ADCY2: variants seen among roughly 807,000 people sequenced by gnomAD.
The protein encoded by ADCY2 is adenylate cyclase 2, also known as adenylate cyclase type 2.
Under a neutral mutation model 125.2 loss-of-function variants are expected in ADCY2, and 31 were observed. The observed-to-expected ratio is 0.25, with a 90% CI of 0.19 to 0.33. The LOEUF is 0.33. ADCY2 is among the 10% of genes least tolerant of loss of function. ADCY2 has a pLI of 1.00. For synonymous variants in ADCY2, 512 were observed against 548.4 expected, an observed-to-expected ratio of 0.93 and a Z score of 0.93; for missense variants, 904 against 1,418.2, an observed-to-expected ratio of 0.64 and a Z score of 5.82.
At chr5:7,434,911 G>T (rs1315023568) in intron 2 of ADCY2, among the ~76,000 whole-genome samples, 1 of 152,240 alleles carries the variant, frequency 6.6e-6, no homozygotes, top group African/African-American at 2.4e-5. Context: ...AGATTTGAGA[G>T]TGGTGAATTA....
intron 4 of ADCY2, among the ~76,000 whole-genome samples, chr5:7,683,481 C>T (rs1329625818): frequency 6.6e-6 from 1 of 152,192 alleles, no homozygotes; most frequent in Admixed American, 6.5e-5. Context: ...AGGGGGACTG[C>T]CACTTTGCAC....
At chr5:7,505,065 G>A (rs1330601161) in intron 2 of ADCY2, among the ~76,000 whole-genome samples, 1 of 151,698 alleles carries the variant, frequency 6.6e-6, no homozygotes, top group Non-Finnish European at 1.5e-5. Flanking sequence ...TGTGGTTTTT[G>A]TAGAGATGAG....
At chr5:7,552,435 C>T (rs1331513697) in intron 3 of ADCY2, among the ~76,000 whole-genome samples, 1 of 152,150 alleles carries the variant, frequency 6.6e-6, no homozygotes, top group Non-Finnish European at 1.5e-5. Flanking sequence ...TATTGCAAAT[C>T]TTTTTTCTTT....
intron 3 of ADCY2, among the ~76,000 whole-genome samples, chr5:7,547,179 A>G (rs1433124584): frequency 6.6e-6 from 1 of 152,210 alleles, no homozygotes; most frequent in African/African-American, 2.4e-5. Context: ...AGCAGGACCC[A>G]CAGCAGAGAC....
At chr5:7,749,837 G>A (rs1038396518) in intron 15 of ADCY2, 5 of 152,176 alleles carry the variant, frequency 3.3e-5, no homozygotes, top group Non-Finnish European at 7.3e-5. Flanking sequence ...CTCGGGAAAG[G>A]GAAAGTAGGT....
At chr5:7,595,220 A>T (rs73048196) in intron 3 of ADCY2, among the ~76,000 whole-genome samples, 3,696 of 152,328 alleles carry the variant, frequency 0.024, 144 homozygotes, top group African/African-American at 0.084. Flanking sequence ...AAAACAATAG[A>T]GTTACTATTA....
chr5:7,633,442 AAG>A (rs968966374), intron 4 of ADCY2, among the ~76,000 whole-genome samples: 11 of 151,584 alleles, frequency 7.3e-5, no homozygotes, highest in African/African-American at 1.9e-4. Flanking sequence ...TCTCAAAAAA[AAG>A]AAAAAGAAAA....
chr5:7,788,967 C>T (rs1744168938), intron 19 of ADCY2, among the ~76,000 whole-genome samples: 1 of 152,196 alleles, frequency 6.6e-6, no homozygotes, highest in Admixed American at 6.5e-5. Context: ...AATTGGGCCT[C>T]TCCATTCCTA....
chr5:7,402,538 A>G (rs987817675), intron 1 of ADCY2, among the ~76,000 whole-genome samples: 6 of 152,156 alleles, frequency 3.9e-5, no homozygotes, highest in African/African-American at 1.4e-4. Flanking sequence ...AACCGAAAAA[A>G]CCATTGTGGG....
At chr5:7,582,923 A>T (rs979967387) in intron 3 of ADCY2, among the ~76,000 whole-genome samples, 3 of 152,144 alleles carry the variant, frequency 2.0e-5, no homozygotes, top group Non-Finnish European at 4.4e-5. Context: ...TGTCTTTTTC[A>T]TAGATCAGTT....
At chr5:7,593,125 G>A (rs1726557759) in intron 3 of ADCY2, among the ~76,000 whole-genome samples, 2 of 152,118 alleles carry the variant, frequency 1.3e-5, no homozygotes, top group Non-Finnish European at 2.9e-5. Flanking sequence ...CGCCCTCTGG[G>A]GGATGAGCGC....
intron 15 of ADCY2, among the ~76,000 whole-genome samples, chr5:7,747,227 C>T (rs1276509516): frequency 6.6e-6 from 1 of 152,194 alleles, no homozygotes; most frequent in Non-Finnish European, 1.5e-5. Context: ...CCACCGGGCA[C>T]CTTCCAAGAT....
chr5:7,786,780 G>A (rs1377024615), intron 19 of ADCY2, among the ~76,000 whole-genome samples: 1 of 152,150 alleles, frequency 6.6e-6, no homozygotes, highest in Non-Finnish European at 1.5e-5. Flanking sequence ...TCAAAATGAA[G>A]CTGTTGTTTT....
chr5:7,684,730 C>T (rs1740454365), intron 4 of ADCY2, among the ~76,000 whole-genome samples: 1 of 150,918 alleles, frequency 6.6e-6, no homozygotes, highest in Non-Finnish European at 1.5e-5. Flanking sequence ...CAGGTGACGA[C>T]CACCTGGCTT....
chr5:7,794,473 C>T (rs1434113599), intron 20 of ADCY2: 1 of 152,178 alleles, frequency 6.6e-6, no homozygotes, highest in Non-Finnish European at 1.5e-5. Flanking sequence ...GCTTCAGTCC[C>T]CATGGGAACA....
intron 3 of ADCY2, among the ~76,000 whole-genome samples, chr5:7,540,225 T>A (rs971150936): frequency 6.6e-6 from 1 of 151,510 alleles, no homozygotes; most frequent in African/African-American, 2.4e-5. Flanking sequence ...AAATAACTAA[T>A]GGGTACTAGG....
chr5:7,549,552 A>T (rs1413007234), intron 3 of ADCY2, among the ~76,000 whole-genome samples: 2 of 152,186 alleles, frequency 1.3e-5, no homozygotes, highest in Non-Finnish European at 2.9e-5. Flanking sequence ...TTTGCATTTT[A>T]AGACACTTTC....
intron 2 of ADCY2, among the ~76,000 whole-genome samples, chr5:7,478,327 A>G (rs79415112): frequency 0.014 from 2,084 of 152,310 alleles, 61 homozygotes; most frequent in African/African-American, 0.048. Context: ...ATTAACTAGC[A>G]TATGCAATTG....
intron 19 of ADCY2, among the ~76,000 whole-genome samples, chr5:7,787,529 G>T (rs912713156): frequency 6.6e-6 from 1 of 152,194 alleles, no homozygotes; most frequent in South Asian, 2.1e-4. Flanking sequence ...TTTGATTGGG[G>T]ATTTTTTAAG....
Sources: gnomAD v4.1 joint callset for allele counts (sites outside exome capture counted in the v4.1 genomes callset) on GRCh38, gnomAD v4.1.1 for gene constraint, MANE v1.5 for transcripts, NCBI Gene and HGNC (gene_info 2026-07-23, HGNC 2026-07-21) for gene names.